Variants in TLE6 observed in about 807,000 individuals in gnomAD.
TLE6 encodes TLE family member 6, subcortical maternal complex member, also known as transducin-like enhancer protein 6.
Under a neutral mutation model 77.1 loss-of-function variants are expected in TLE6, and 72 were observed. That is an observed-to-expected ratio of 0.93 (90% CI 0.77 to 1.14). The LOEUF (loss-of-function observed/expected upper bound fraction) is 1.14. Among genes scored for constraint, TLE6 ranks in the 50% most tolerant of loss-of-function variants. TLE6 has a pLI of 0.00. For synonymous variants in TLE6, 366 were observed against 287.3 expected, an observed-to-expected ratio of 1.27 and a Z score of -2.77; for missense variants, 843 against 747.6, an observed-to-expected ratio of 1.13 and a Z score of -1.49.
intron 13 of TLE6, 92 bp from the exon 14 acceptor site, chr19:2,991,751 C>G: frequency 7.7e-7 from 1 of 1,298,776 alleles, no homozygotes; most frequent in Non-Finnish European, 1.1e-6. Context: ...GTGGCACTGT[C>G]CCTTTCATGC....
Position 2,993,518 on chromosome 19 carries a change from G to GAGCCAGCGGC in TLE6, c.1475_1484dup (p.His495GlnfsTer50), listed in dbSNP as rs746754077. On this transcript the variant is annotated frameshift_variant, in exon 15 of 17. Transcript: ENST00000246112. LOFTEE classifies it high-confidence loss of function. ...AGCAGTGGCTGCAAAGCACCAGCGG[G>GAGCCAGCGGC]AGCCAGCGGCACATGGTGGGGCAAA... is the stretch of plus-strand genomic sequence containing the variant. 17 of 1,593,416 alleles carry GAGCCAGCGGC rather than the reference G, an allele frequency of 1.1e-5. No homozygotes were observed. Among genetic ancestry groups the GAGCCAGCGGC allele is most frequent in the Non-Finnish European group, 1.3e-5 (15 of 1,164,316 alleles).
intron 5 of TLE6, among the ~76,000 whole-genome samples, chr19:2,982,555 AAAG>A (rs1429842328): frequency 2.7e-5 from 4 of 150,726 alleles, no homozygotes; most frequent in African/African-American, 7.3e-5. Context: ...AAAAAAAAAA[AAAG>A]GAGGTGGGGG....
rs1362373256 is a variant in TLE6, at chr19:2,991,966, G to A, written c.1368G>A (p.Glu456=). The A allele has an allele frequency of 2.5e-6, 4 of 1,613,872 alleles. No individual in the cohort carries two copies. The highest frequency in any genetic ancestry group is 3.4e-6 in the Non-Finnish European group (4 of 1,179,966). ...WDQRTIMKPL[E]YQFKSQIMSL... ...AGAGGACCATCATGAAACCTCTGGA[G>A]TACCAATTCAAGTCTCAGGTGCGGA... Residue 456 remains glutamate (E), a synonymous_variant, in exon 14 of 17, where the codon GAG becomes GAA. Transcript: ENST00000246112.
chr19:2,983,088 C>G (rs527940897), intron 5 of TLE6, among the ~76,000 whole-genome samples: 1 of 152,224 alleles, frequency 6.6e-6, no homozygotes, highest in African/African-American at 2.4e-5. Flanking sequence ...CCGCCTGTGC[C>G]AGATGTAACT....
chr19:2,984,851 G>A (rs1313357130), intron 5 of TLE6, among the ~76,000 whole-genome samples: 1 of 152,096 alleles, frequency 6.6e-6, no homozygotes, highest in African/African-American at 2.4e-5. Flanking sequence ...TACTTGTACT[G>A]GATGGTATTG....
intron 1 of TLE6, 110 bp from the exon 2 acceptor site, chr19:2,978,088 C>T: frequency 1.3e-6 from 1 of 759,720 alleles, no homozygotes; most frequent in Non-Finnish European, 2.2e-6. Flanking sequence ...GGATTGGGTC[C>T]CTGGAGACTT....
rs576607801 is a variant in TLE6, at chr19:2,989,416, A to T, written c.993+103A>T. 340 of 1,577,278 alleles carry T rather than the reference A, an allele frequency of 2.2e-4. 6 individuals carry two copies. In the South Asian group the frequency reaches 3.7e-3, roughly 17 times the overall value. On this transcript the variant is annotated intron_variant, in intron 12 of 16. Transcript: ENST00000246112. The stretch of plus-strand genomic sequence containing the variant: ...GATCGTGGAGAGAGGGCTTCCAGGG[A>T]AAAGGGGCATAATAGCTAGGAACCT...
In TLE6 at chr19:2,987,945, G is replaced by A; in HGVS notation, c.673G>A (p.Asp225Asn). Residue 225 changes from aspartate to asparagine, a missense_variant, in exon 10 of 17, where the codon GAC becomes AAC. By Grantham distance (23) the Asp-to-Asn change is conservative. Transcript: ENST00000246112. Reference protein sequence around the residue: ...ASSSPPEGSQDRNTSWGVVQE... With the variant: ...ASSSPPEGSQNRNTSWGVVQE... ...CTCCAGTCCCCCTGAGGGTTCCCAA[G>A]ACAGGAACACAAGTTGGGGTGTGGT... 1.9e-6 allele frequency: 3 copies of A among 1,610,680 alleles called. No homozygotes were observed. The highest frequency in any genetic ancestry group is 2.2e-5 in the East Asian group (1 of 44,806).
chr19:2,979,998 T>G, intron 2 of TLE6, 102 bp from the exon 3 acceptor site: 2 of 844,530 alleles, frequency 2.4e-6, no homozygotes, highest in Non-Finnish European at 3.6e-6. Context: ...CCACAATTAC[T>G]TTTGCACCAA....
chr19:2,994,609 A>T (rs549244616), intron 16 of TLE6, among the ~76,000 whole-genome samples: 2 of 150,518 alleles, frequency 1.3e-5, no homozygotes, highest in South Asian at 2.1e-4. Context: ...CCATCTAAAA[A>T]AATAATAATA....
chr19:2,987,294 C>CTG (rs2088936266), intron 7 of TLE6, 56 bp downstream of exon 7: 1 of 1,614,032 alleles, frequency 6.2e-7, no homozygotes, highest in Non-Finnish European at 8.5e-7. Flanking sequence ...GTCTCAGGGG[C>CTG]TGTGCAGTGA....
At chr19:2,986,697 GAGTGAGACTC>G in intron 5 of TLE6, 122 bp from the exon 6 acceptor site, 1 of 912,198 alleles carries the variant, frequency 1.1e-6, no homozygotes, top group Non-Finnish European at 1.7e-6. Context: ...TTGGGTGACA[GAGTGAGACTC>G]TGTCTCAAAA....
chr19:2,991,768 G>A (rs2089070666), intron 13 of TLE6, 75 bp from the exon 14 acceptor site: 1 of 1,469,090 alleles, frequency 6.8e-7, no homozygotes, highest in Non-Finnish European at 9.5e-7. Context: ...ATGCCCAAAT[G>A]TAGTGACTGG....
At chr19:2,987,622 C>G (rs1276943467) in intron 8 of TLE6, 102 bp from the exon 9 acceptor site, 37 of 1,370,808 alleles carry the variant, frequency 2.7e-5, no homozygotes, top group Non-Finnish European at 3.8e-5. Context: ...CAGACAGGAC[C>G]CCAGGCAGCT....
chr19:2,982,447 A>G (rs186501738), intron 5 of TLE6, among the ~76,000 whole-genome samples: 2,459 of 150,186 alleles, frequency 0.016, 21 homozygotes, highest in Admixed American at 0.027. Context: ...CTGAGGCAGG[A>G]GAATTGCTTG....
chr19:2,995,039 C>A lies in TLE6; in HGVS notation c.*35C>A. The A allele has an allele frequency of 2.3e-6, 3 of 1,289,760 alleles. No homozygotes were observed. The highest frequency in any genetic ancestry group is 3.2e-6 in the Non-Finnish European group (3 of 929,076). The allele number at this position is 1,289,760 out of a possible 1,614,324, so 79.9% of individuals were successfully genotyped here. Reference sequence around the variant, plus strand: ...CTGCTGTCATCCCACTCCGGCTCCTCTTTTCATCCCCCCCCTTCCCCCCCC... The same window carrying A: ...CTGCTGTCATCCCACTCCGGCTCCTATTTTCATCCCCCCCCTTCCCCCCCC... On this transcript the variant is annotated 3_prime_UTR_variant, in exon 17 of 17. Coordinates refer to ENST00000246112, the MANE Select transcript of TLE6 (RefSeq NM_001143986.2).
At chr19:2,980,436 G>T in intron 3 of TLE6, 1 of 325,636 alleles carries the variant, frequency 3.1e-6, no homozygotes, top group Non-Finnish European at 5.9e-6. Context: ...CAATTTTATT[G>T]TTGAAAAATA....
intron 3 of TLE6, among the ~76,000 whole-genome samples, chr19:2,981,320 C>T (rs2088793174): frequency 6.8e-6 from 1 of 147,828 alleles, no homozygotes. Flanking sequence ...GCACTCCAGC[C>T]TGGGTGACAA....
intron 2 of TLE6, 80 bp downstream of exon 2, chr19:2,978,364 C>T: frequency 6.9e-7 from 1 of 1,444,104 alleles, no homozygotes; most frequent in Non-Finnish European, 9.5e-7. Context: ...CACCTGTGAC[C>T]TGGGCTGGCC....
Sources: gnomAD v4.1 joint callset for allele counts (sites outside exome capture counted in the v4.1 genomes callset) on GRCh38, gnomAD v4.1.1 for gene constraint, MANE v1.5 for transcripts, NCBI Gene and HGNC (gene_info 2026-07-23, HGNC 2026-07-21) for gene names.